Variants in SUFU observed in about 807,000 individuals in gnomAD.
The protein encoded by SUFU is suppressor of fused homolog.
A neutral mutation model predicts 58.9 loss-of-function variants in SUFU; 7 were observed. The ratio of observed to expected loss-of-function variants is 0.12; its 90% CI spans 0.07 to 0.22. The LOEUF is 0.22. Among genes scored for constraint, SUFU ranks in the 10% least tolerant of loss-of-function variants. The pLI, the probability that SUFU is intolerant of heterozygous loss-of-function variation, is 1.00. For synonymous variants in SUFU, 232 were observed against 254.8 expected (o/e 0.91, Z 0.85); for missense variants, 451 against 641.3 (o/e 0.70, Z 3.20).
chr10:102,576,179 G>A (rs1347409950), intron 3 of SUFU, among the ~76,000 whole-genome samples: 1 of 152,038 alleles, frequency 6.6e-6, no homozygotes, highest in African/African-American at 2.4e-5. Flanking sequence ...TACAGATAAA[G>A]TCAAAGTTCT....
intron 3 of SUFU, among the ~76,000 whole-genome samples, chr10:102,573,548 A>T (rs1020802345): frequency 6.6e-6 from 1 of 152,244 alleles, no homozygotes; most frequent in African/African-American, 2.4e-5. Context: ...TTTTCATAGC[A>T]TCCAAAAAGT....
chr10:102,600,721 G>A (rs1331264192), intron 8 of SUFU, among the ~76,000 whole-genome samples: 1 of 152,174 alleles, frequency 6.6e-6, no homozygotes, highest in Non-Finnish European at 1.5e-5. Flanking sequence ...CACAGGGGAG[G>A]CCTGGCTGGT....
rs182595667 is a variant in SUFU at position 102,622,608 on chromosome 10, G to A, written c.1297-4567G>A. Among the ~76,000 whole-genome samples the A allele has an allele frequency of 2.2e-4, 33 of 152,082 alleles. No homozygotes were observed. The East Asian group carries it at 5.6e-3, about 26-fold the overall frequency. ...ATACAAAAAATTAGCCGGGCATGGC[G>A]GCGGGCGCCTGTAGTCCCAGCTTGT... is the stretch of plus-strand genomic sequence containing the variant. On this transcript the variant is annotated intron_variant, in intron 10 of 11. Transcript: ENST00000369902.
intron 3 of SUFU, among the ~76,000 whole-genome samples, chr10:102,567,269 C>T (rs1244939826): frequency 6.6e-6 from 1 of 151,840 alleles, no homozygotes; most frequent in Non-Finnish European, 1.5e-5. Flanking sequence ...CCTCGGCCTC[C>T]CAAAGTGCTG....
At chr10:102,555,007 G>A (rs2062958363) in intron 3 of SUFU, among the ~76,000 whole-genome samples, 1 of 152,156 alleles carries the variant, frequency 6.6e-6, no homozygotes, top group African/African-American at 2.4e-5. Context: ...AGTGGCTCAT[G>A]CCTGTAATCC....
Position 102,568,896 on chromosome 10 carries a change from AAATAT to A in SUFU, c.454+18792_454+18796del, listed in dbSNP as rs1396120260. Among the ~76,000 whole-genome samples, 12 of 15,466 alleles carry A rather than the reference AAATAT, an allele frequency of 7.8e-4. 1 individual carries two copies. The highest frequency in any genetic ancestry group is 6.9e-3 in the South Asian group (4 of 582). 10.1% of individuals were successfully genotyped at this position (15,466 alleles called of 152,430 possible). ...TCTCAAAAAAAAAAAAAAAAAAAAA[AAATAT>A]ATATATATATATATATATACACATA... is the stretch of plus-strand genomic sequence containing the variant. On this transcript the variant is annotated intron_variant, in intron 3 of 11. Coordinates refer to ENST00000369902, the MANE Select transcript of SUFU (RefSeq NM_016169.4).
intron 9 of SUFU, among the ~76,000 whole-genome samples, chr10:102,615,679 G>T (rs1184088631): frequency 6.6e-6 from 1 of 152,152 alleles, no homozygotes; most frequent in Non-Finnish European, 1.5e-5. Flanking sequence ...CCAGCCAGTC[G>T]CCCCCATGTC....
rs534727037 is a variant in SUFU at position 102,566,671 on chromosome 10, A to G, written c.454+16565A>G. The stretch of plus-strand genomic sequence containing the variant: ...TCCCAGCTACTTGGGAGGCTGAGGC[A>G]GGAGAATCGCCTGAACTTGGGAGGC... On this transcript the variant is annotated intron_variant, in intron 3 of 11. Transcript: ENST00000369902. 4.6e-5 allele frequency among the ~76,000 whole-genome samples: 7 copies of G among 151,650 alleles called. No homozygotes were observed. In the East Asian group the frequency reaches 1.2e-3, roughly 25 times the overall value.
At chr10:102,627,147 A>T (rs2063793195) in intron 10 of SUFU, 28 bp from the exon 11 acceptor site, 2 of 1,612,446 alleles carry the variant, frequency 1.2e-6, no homozygotes, top group South Asian at 2.2e-5. Context: ...TAAAAATAAT[A>T]ATAAAAGCCT....
intron 3 of SUFU, among the ~76,000 whole-genome samples, chr10:102,563,503 A>G (rs1337395828): frequency 6.6e-6 from 1 of 151,982 alleles, no homozygotes; most frequent in Non-Finnish European, 1.5e-5. Context: ...AGGGTAATGG[A>G]AAGCTACGAA....
intron 8 of SUFU, among the ~76,000 whole-genome samples, chr10:102,602,875 G>T (rs2063526763): frequency 6.6e-6 from 1 of 152,188 alleles, no homozygotes; most frequent in Non-Finnish European, 1.5e-5. Flanking sequence ...CTTTTCCCAA[G>T]ATGATCAGTT....
intron 8 of SUFU, among the ~76,000 whole-genome samples, chr10:102,605,293 G>A (rs2063552496): frequency 6.6e-6 from 1 of 151,998 alleles, no homozygotes; most frequent in Non-Finnish European, 1.5e-5. Flanking sequence ...GGCAGAAAGA[G>A]CTCTTGAGTC....
chr10:102,601,253 G>C (rs544672824), intron 8 of SUFU, among the ~76,000 whole-genome samples: 3 of 152,184 alleles, frequency 2.0e-5, no homozygotes, highest in African/African-American at 7.2e-5. Flanking sequence ...GGCACTTCCA[G>C]CTACTGCACC....
intron 2 of SUFU, among the ~76,000 whole-genome samples, chr10:102,523,464 G>C (rs1476167156): frequency 6.6e-6 from 1 of 152,162 alleles, no homozygotes; most frequent in African/African-American, 2.4e-5. Flanking sequence ...AGTCCCAGGG[G>C]GGTCGAGCTG....
intron 2 of SUFU, among the ~76,000 whole-genome samples, chr10:102,518,241 T>A (rs1448370285): frequency 6.6e-6 from 1 of 152,150 alleles, no homozygotes; most frequent in Non-Finnish European, 1.5e-5. Context: ...ATAAGGAAAC[T>A]GAGATGCAGA....
At chr10:102,557,415 ACAGGG>A (rs1234157319) in intron 3 of SUFU, among the ~76,000 whole-genome samples, 3 of 152,050 alleles carry the variant, frequency 2.0e-5, no homozygotes, top group African/African-American at 7.2e-5. Flanking sequence ...GTGAAACCCC[ACAGGG>A]GTAGAGTGAA....
chr10:102,524,550 T>C (rs1728839357), intron 2 of SUFU, among the ~76,000 whole-genome samples: 1 of 152,036 alleles, frequency 6.6e-6, no homozygotes, highest in Non-Finnish European at 1.5e-5. Context: ...GGTCTCAAAC[T>C]CCTCAAGTGA....
intron 3 of SUFU, among the ~76,000 whole-genome samples, chr10:102,554,644 T>C (rs1208573400): frequency 6.6e-6 from 1 of 152,232 alleles, no homozygotes; most frequent in East Asian, 1.9e-4. Flanking sequence ...AACTCATTGC[T>C]AATAGCTTAA....
At chr10:102,551,592 C>G (rs1487633571) in intron 3 of SUFU, among the ~76,000 whole-genome samples, 2 of 150,112 alleles carry the variant, frequency 1.3e-5, no homozygotes, top group African/African-American at 4.9e-5. Context: ...GAGCCAAGAT[C>G]GCACCACTGT....
Sources: gnomAD v4.1 joint callset for allele counts (sites outside exome capture counted in the v4.1 genomes callset) on GRCh38, gnomAD v4.1.1 for gene constraint, MANE v1.5 for transcripts, NCBI Gene and HGNC (gene_info 2026-07-23, HGNC 2026-07-21) for gene names.